CNGB3: variants seen among roughly 807,000 people sequenced by gnomAD.
CNGB3 encodes the protein cyclic nucleotide gated channel subunit beta 3.
Under a neutral mutation model 92.8 loss-of-function variants are expected in CNGB3, and 86 were observed. The observed-to-expected ratio is 0.93, with a 90% CI of 0.78 to 1.11. The LOEUF (loss-of-function observed/expected upper bound fraction) is 1.11, where lower values mean the gene tolerates loss of function less well. CNGB3 is among the 50% of genes least tolerant of loss of function. The probability of loss-of-function intolerance (pLI) is 0.00; values close to 1 mark genes in which losing one functional copy is unlikely to be tolerated. For missense variants in CNGB3, 1,026 were observed against 956.8 expected (o/e 1.07, Z -0.95); for synonymous variants, 333 against 332.7 (o/e 1.00, Z -0.01).
Position 86,633,997 on chromosome 8 carries a change from T to A in CNGB3, c.1179-1104A>T, listed in dbSNP as rs895564872. Among the ~76,000 whole-genome samples the A allele has an allele frequency of 3.9e-5, 6 of 152,156 alleles. No homozygotes were observed. The East Asian group carries it at 1.2e-3, about 29-fold the overall frequency. On this transcript the variant is annotated intron_variant, in intron 10 of 17. Transcript: ENST00000320005. ...GAAGAAAATCAAGTATGCTCAGAAA[T>A]GTACTTGATAAAATTTCTGTACTTG... is the stretch of plus-strand genomic sequence containing the variant.
intron 15 of CNGB3, chr8:86,594,106 T>A (rs951367928): frequency 3.3e-6 from 1 of 306,348 alleles, no homozygotes; most frequent in South Asian, 3.0e-5. Flanking sequence ...GGGATTGTCC[T>A]GAAAAGTGGA....
At chr8:86,580,539 G>A (rs371276020) in intron 15 of CNGB3, among the ~76,000 whole-genome samples, 13 of 152,234 alleles carry the variant, frequency 8.5e-5, no homozygotes, top group African/African-American at 2.9e-4. Context: ...AGTGTCATAA[G>A]CTGCTCTATA....
At position 86,643,753 on chromosome 8, in the gene CNGB3, G is replaced by T; in HGVS notation, c.1176C>A (p.Asn392Lys). ...TTTCTTTCAAAATCAGAACTTACTC[G>T]TTTCCTTCCCCATCATACACCCATC... ...TTRWVYDGEG[N>K]EYLRCYYWAV... Residue 392 changes from asparagine (N) to lysine (K), a missense_variant and splice_region_variant, in exon 10 of 18, where the codon AAC becomes AAA. Asn to Lys is a moderately conservative substitution (Grantham distance 94, BLOSUM62 0). Coordinates refer to ENST00000320005, the MANE Select transcript of CNGB3 (RefSeq NM_019098.5). 1.2e-6 allele frequency: 2 copies of T among 1,604,396 alleles called. No homozygotes were observed. Among genetic ancestry groups the T allele is most frequent in the African/African-American group, 2.7e-5 (2 of 73,812 alleles).
intron 17 of CNGB3, among the ~76,000 whole-genome samples, chr8:86,576,441 T>C (rs111419794): frequency 1.9e-3 from 288 of 152,322 alleles, no homozygotes; most frequent in African/African-American, 6.7e-3. Flanking sequence ...GACTCTGTTT[T>C]TGCTTTTTAA....
chr8:86,623,695 G>A (rs1361005141), intron 13 of CNGB3, among the ~76,000 whole-genome samples: 2 of 152,148 alleles, frequency 1.3e-5, no homozygotes, highest in Non-Finnish European at 2.9e-5. Flanking sequence ...CCAAATCATA[G>A]CAACATCCAA....
chr8:86,629,052 T>A lies in CNGB3; in HGVS notation c.1347A>T (p.Thr449=), dbSNP rs768959472. ...GQMRDVIGAA[T]ANQNYFRACM... ...AGGCGCGGAAGTAGTTCTGATTGGC[T>A]GTAGCTGCTCCAATCACATCTCTCA... is the stretch of plus-strand genomic sequence containing the variant. The change falls in exon 12 of 18, where the codon ACA becomes ACT. Residue 449 remains threonine, a synonymous_variant. Coordinates refer to ENST00000320005, the MANE Select transcript of CNGB3 (RefSeq NM_019098.5). 77 of 1,613,902 alleles carry A rather than the reference T, an allele frequency of 4.8e-5. 1 individual carries two copies. In the South Asian group the frequency reaches 8.3e-4, roughly 17 times the overall value.
intron 3 of CNGB3, among the ~76,000 whole-genome samples, chr8:86,702,978 T>C (rs1824581978): frequency 6.6e-6 from 1 of 152,104 alleles, no homozygotes; most frequent in Non-Finnish European, 1.5e-5. Flanking sequence ...TATATAATTT[T>C]TAAAAATTGA....
intron 15 of CNGB3, among the ~76,000 whole-genome samples, chr8:86,597,352 C>A (rs1822194961): frequency 6.6e-6 from 1 of 152,122 alleles, no homozygotes; most frequent in African/African-American, 2.4e-5. Context: ...CATTCTGGTG[C>A]AGAGAACATT....
intron 15 of CNGB3, among the ~76,000 whole-genome samples, chr8:86,590,778 T>A (rs1353596131): frequency 6.8e-6 from 1 of 147,692 alleles, no homozygotes. Flanking sequence ...TAACATTTTC[T>A]CCTTCATTTC....
At chr8:86,594,560 G>T (rs1585956727) in intron 15 of CNGB3, 1 of 322,930 alleles carries the variant, frequency 3.1e-6, no homozygotes, top group East Asian at 1.1e-4. Context: ...GACCAGGGAA[G>T]GGTCTGGGTC....
chr8:86,621,686 C>A (rs1471554291), intron 13 of CNGB3, among the ~76,000 whole-genome samples: 1 of 152,102 alleles, frequency 6.6e-6, no homozygotes, highest in African/African-American at 2.4e-5. Context: ...TATTCTTATG[C>A]CCCTGCATCC....
rs146298816 is a variant in CNGB3, at chr8:86,592,941, C to G, written c.1781+11152G>C. Among the ~76,000 whole-genome samples the G allele has an allele frequency of 1.1e-4, 16 of 152,280 alleles. No individual in the cohort carries two copies. In the East Asian group the frequency reaches 2.5e-3, roughly 24 times the overall value. Reference sequence around the variant, plus strand: ...TTTAAAACTTGACTAAAAATAAATTCTAGCAAAACTTTTATGGCTAGGCAA... The same window carrying G: ...TTTAAAACTTGACTAAAAATAAATTGTAGCAAAACTTTTATGGCTAGGCAA... On this transcript the variant is annotated intron_variant, in intron 15 of 17. Coordinates refer to ENST00000320005, the MANE Select transcript of CNGB3 (RefSeq NM_019098.5).
chr8:86,707,460 G>A (rs1824670976), intron 3 of CNGB3: 1 of 152,442 alleles, frequency 6.6e-6, no homozygotes, highest in African/African-American at 2.4e-5. Context: ...AAAGGAGTGA[G>A]GGAAGAGTTA....
At chr8:86,709,682 G>C (rs915266305) in intron 3 of CNGB3, among the ~76,000 whole-genome samples, 3 of 151,928 alleles carry the variant, frequency 2.0e-5, no homozygotes, top group Admixed American at 2.0e-4. Flanking sequence ...CTGATACTGT[G>C]GGATGCTGGA....
At chr8:86,594,153 C>A (rs16915996) in intron 15 of CNGB3, 2 of 283,610 alleles carry the variant, frequency 7.1e-6, no homozygotes, top group East Asian at 9.5e-5. Context: ...CAGCATCCAA[C>A]GGGGAATGTG....
chr8:86,707,559 G>A (rs1751935749), intron 3 of CNGB3: 1 of 152,614 alleles, frequency 6.6e-6, no homozygotes, highest in African/African-American at 2.4e-5. Flanking sequence ...TGAGGCAGTG[G>A]GGGGTTAGCA....
intron 15 of CNGB3, among the ~76,000 whole-genome samples, chr8:86,593,071 T>TA (rs1039751344): frequency 7.2e-6 from 1 of 138,836 alleles, no homozygotes; most frequent in African/African-American, 3.4e-5. Context: ...TTAGCCTAGA[T>TA]TTTTTTTCTG....
intron 15 of CNGB3, among the ~76,000 whole-genome samples, chr8:86,602,346 CA>C (rs1434333357): frequency 1.3e-5 from 2 of 152,250 alleles, no homozygotes; most frequent in Non-Finnish European, 2.9e-5. Flanking sequence ...GCCACATTAA[CA>C]ACAGAGAAAT....
At chr8:86,724,981 G>A (rs1327465763) in intron 3 of CNGB3, among the ~76,000 whole-genome samples, 1 of 152,048 alleles carries the variant, frequency 6.6e-6, no homozygotes, top group Non-Finnish European at 1.5e-5. Context: ...GAAGTTTTTT[G>A]TTTTTGAGCT....
Sources: gnomAD v4.1 joint callset for allele counts (sites outside exome capture counted in the v4.1 genomes callset) on GRCh38, gnomAD v4.1.1 for gene constraint, MANE v1.5 for transcripts, NCBI Gene and HGNC (gene_info 2026-07-23, HGNC 2026-07-21) for gene names.